Variants in CNTNAP3B observed in about 807,000 individuals in gnomAD.
CNTNAP3B encodes contactin associated protein family member 3B.
A neutral mutation model predicts 108.9 loss-of-function variants in CNTNAP3B; 25 were observed. The observed-to-expected ratio is 0.23, with a 90% CI of 0.17 to 0.32. The LOEUF is 0.32. Among genes scored for constraint, CNTNAP3B ranks in the 10% least tolerant of loss-of-function variants. CNTNAP3B has a pLI of 1.00. For missense variants in CNTNAP3B, 252 were observed against 1,210.4 expected (o/e 0.21, Z 11.75); for synonymous variants, 103 against 473.4 (o/e 0.22, Z 10.16).
At chr9:41,924,645 G>GCGCGCGCGCGCGCACA (rs1474850625) in intron 15 of CNTNAP3B, among the ~76,000 whole-genome samples, 1 of 135,060 alleles carries the variant, frequency 7.4e-6, no homozygotes, top group Non-Finnish European at 1.6e-5. Flanking sequence ...TTTCCTTCCT[G>GCGCGCGCGCGCGCACA]CACACACACA....
At chr9:41,936,021 G>A (rs1236556898) in intron 14 of CNTNAP3B, among the ~76,000 whole-genome samples, 1 of 152,214 alleles carries the variant, frequency 6.6e-6, no homozygotes, top group Non-Finnish European at 1.5e-5. Flanking sequence ...AAGCATACGT[G>A]AAGTCTACAA....
chr9:42,115,212 G>C (rs1828287377), intron 1 of CNTNAP3B, among the ~76,000 whole-genome samples: 1 of 138,426 alleles, frequency 7.2e-6, no homozygotes, highest in Non-Finnish European at 1.5e-5. Flanking sequence ...AGAAGAAGCT[G>C]CACTCTTTTG....
intron 3 of CNTNAP3B, among the ~76,000 whole-genome samples, chr9:42,025,082 G>C (rs1826394422): frequency 7.2e-6 from 1 of 139,194 alleles, no homozygotes; most frequent in Non-Finnish European, 1.6e-5. Context: ...ATGGATTGCT[G>C]GCACCAACTG....
intron 2 of CNTNAP3B, among the ~76,000 whole-genome samples, chr9:42,101,945 T>C (rs2118693646): frequency 1.1e-5 from 1 of 88,374 alleles, no homozygotes; most frequent in Non-Finnish European, 2.3e-5. Flanking sequence ...CAGTTCCAGC[T>C]ACTCGGGAGG....
rs1587287357 is a variant in CNTNAP3B at position 42,119,518 on chromosome 9, C to T, written c.85+9492G>A. 2.4e-5 allele frequency among the ~76,000 whole-genome samples: 3 copies of T among 123,900 alleles called. No individual in the cohort carries two copies. The Admixed American group carries it at 2.5e-4, about 10-fold the overall frequency. 81.3% of individuals were successfully genotyped at this position (123,900 alleles called of 152,430 possible). A position where few individuals can be genotyped will look rare whatever the true frequency, so the allele number is the denominator to read the frequency against. ...TGGAACCAAAAAAGAGCCCGCATTG[C>T]CAAGTCAATCCTAAGCCAAAAGAAC... On this transcript the variant is annotated intron_variant, in intron 1 of 23. Transcript: ENST00000377561.
rs1279033763 is a variant in CNTNAP3B at position 41,969,366 on chromosome 9, A to G, written c.1649+708T>C. ...CATCTTCATCCGTCTTTATGATTCAAACTTTTCTAGCAGAAATTACTTTTT... is the reference window on the plus strand; with the variant it reads ...CATCTTCATCCGTCTTTATGATTCAGACTTTTCTAGCAGAAATTACTTTTT... On this transcript the variant is annotated intron_variant, in intron 10 of 23. Transcript: ENST00000377561. 5.4e-5 allele frequency among the ~76,000 whole-genome samples: 8 copies of G among 148,878 alleles called. No homozygotes were observed. The South Asian group carries it at 8.7e-4, about 16-fold the overall frequency.
chr9:41,930,051 T>C (rs1435046021), intron 14 of CNTNAP3B, among the ~76,000 whole-genome samples: 169 of 152,190 alleles, frequency 1.1e-3, no homozygotes, highest in African/African-American at 3.5e-3. Flanking sequence ...GATTTAGATA[T>C]TCATTTTGCA....
chr9:41,977,852 C>T lies in CNTNAP3B; in HGVS notation c.1478-7607G>A, dbSNP rs1320703988. ...TTCACCGTGTTAGCCAGGATGGTCTCGATCTCCTGACCTTGTGATCCACCT... is the reference window on the plus strand; with the variant it reads ...TTCACCGTGTTAGCCAGGATGGTCTTGATCTCCTGACCTTGTGATCCACCT... On this transcript the variant is annotated intron_variant, in intron 9 of 23. Transcript: ENST00000377561. Among the ~76,000 whole-genome samples the T allele has an allele frequency of 5.0e-5, 7 of 139,920 alleles. No individual in the cohort carries two copies. In the East Asian group the frequency reaches 1.3e-3, roughly 26 times the overall value. The allele number at this position is 139,920 out of a possible 152,430, so 91.8% of individuals were successfully genotyped here.
chr9:42,076,428 A>G (rs1162235089), intron 3 of CNTNAP3B, among the ~76,000 whole-genome samples: 15 of 112,542 alleles, frequency 1.3e-4, no homozygotes, highest in Admixed American at 1.3e-3. Context: ...CTCTGTCTCT[A>G]AAAAAAAAAA....
At chr9:41,956,393 T>C (rs1480224198) in intron 12 of CNTNAP3B, among the ~76,000 whole-genome samples, 41 of 152,166 alleles carry the variant, frequency 2.7e-4, no homozygotes, top group Non-Finnish European at 4.6e-4. Flanking sequence ...CTCAAAATAA[T>C]AATAATAATA....
intron 15 of CNTNAP3B, chr9:41,926,597 G>A (rs1257103717): frequency 6.6e-6 from 1 of 152,426 alleles, no homozygotes; most frequent in East Asian, 1.9e-4. Context: ...TAGTTGCTGG[G>A]ACTACAGGCC....
intron 13 of CNTNAP3B, among the ~76,000 whole-genome samples, chr9:41,939,871 A>G (rs1361482308): frequency 2.0e-5 from 3 of 152,072 alleles, no homozygotes; most frequent in African/African-American, 7.3e-5. Context: ...TCCACCAAGT[A>G]TAATGATAGA....
intron 13 of CNTNAP3B, among the ~76,000 whole-genome samples, chr9:41,947,634 G>C (rs1268934310): frequency 4.0e-5 from 6 of 151,860 alleles, no homozygotes; most frequent in Non-Finnish European, 7.4e-5. Context: ...CTAGAAACTA[G>C]AAAACAAAAT....
rs1327519436 is a variant in CNTNAP3B at position 42,042,180 on chromosome 9, AT to A, written c.391-28656del. Among the ~76,000 whole-genome samples, 8 of 131,342 alleles carry A rather than the reference AT, an allele frequency of 6.1e-5. No individual in the cohort carries two copies. In the Admixed American group the frequency reaches 6.2e-4, roughly 10 times the overall value. The allele number at this position is 131,342 out of a possible 152,430, so 86.2% of individuals were successfully genotyped here. ...ACACCAACATGGCACATGTATACAT[AT>A]GTAACAAACCTGCTACGTTGTACAC... On this transcript the variant is annotated intron_variant, in intron 3 of 23. Coordinates refer to ENST00000377561, the MANE Select transcript of CNTNAP3B (RefSeq NM_001201380.3).
intron 3 of CNTNAP3B, among the ~76,000 whole-genome samples, chr9:42,016,915 G>T (rs1826226517): frequency 2.6e-5 from 4 of 151,232 alleles, no homozygotes; most frequent in Admixed American, 2.6e-4. Flanking sequence ...TCTGCAATTT[G>T]TGTGTGTGTG....
chr9:41,959,732 G>C (rs1444112472), intron 12 of CNTNAP3B, among the ~76,000 whole-genome samples: 3 of 152,306 alleles, frequency 2.0e-5, no homozygotes, highest in African/African-American at 7.2e-5. Flanking sequence ...GACAATCTTT[G>C]CTAAGGCACT....
chr9:42,097,622 C>T lies in CNTNAP3B; in HGVS notation c.196+7007G>A, dbSNP rs1200168672. ...ACTAAAAATGCATTCACTGAGATGC[C>T]TTATATCCTAATTAAATATTAGCTG... On this transcript the variant is annotated intron_variant, in intron 2 of 23. Transcript: ENST00000377561. Among the ~76,000 whole-genome samples, 4 of 138,604 alleles carry T rather than the reference C, an allele frequency of 2.9e-5. 1 individual carries two copies. Among genetic ancestry groups the T allele is most frequent in the South Asian group, 2.3e-4 (1 of 4,308 alleles). 90.9% of individuals were successfully genotyped at this position (138,604 alleles called of 152,430 possible).
chr9:41,942,112 T>C (rs1291419253), intron 13 of CNTNAP3B, among the ~76,000 whole-genome samples: 1 of 152,286 alleles, frequency 6.6e-6, no homozygotes, highest in Non-Finnish European at 1.5e-5. Context: ...GGAAGGAAGC[T>C]GAGAAGCACT....
At chr9:41,945,491 T>C (rs1388235102) in intron 13 of CNTNAP3B, among the ~76,000 whole-genome samples, 1 of 152,310 alleles carries the variant, frequency 6.6e-6, no homozygotes, top group African/African-American at 2.4e-5. Context: ...CTGGAAACCA[T>C]CATTCTCAGC....
Sources: allele counts gnomAD v4.1 joint callset (sites outside exome capture counted in the v4.1 genomes callset), GRCh38; gene constraint gnomAD v4.1.1; transcripts MANE v1.5; gene names NCBI Gene and HGNC (gene_info 2026-07-23, HGNC 2026-07-21).